Variants in DCAF8L2 observed in about 807,000 individuals in gnomAD.
The protein encoded by DCAF8L2 is DDB1 and CUL4 associated factor 8 like 2.
For synonymous variants in DCAF8L2, 200 were observed against 190.9 expected (o/e 1.05, Z -0.39); for missense variants, 430 against 490.7 (o/e 0.88, Z 1.17).
At chrX:27,622,943 T>G (rs1007389211) in intron 1 of DCAF8L2, among the ~76,000 whole-genome samples, 1 of 111,874 alleles carries the variant, frequency 8.9e-6, no homozygotes, top group Non-Finnish European at 1.9e-5. Flanking sequence ...TAGTCCACCA[T>G]AAAATTTAAT....
At chrX:27,555,476 T>C in the DCAF8L2 span, among the ~76,000 whole-genome samples, 1 of 111,930 alleles carries the variant, frequency 8.9e-6, no homozygotes, top group Non-Finnish European at 1.9e-5. Context: ...AGGCAATGCA[T>C]GGGTCTCATT....
the DCAF8L2 span, among the ~76,000 whole-genome samples, chrX:27,552,142 ATTTG>A: frequency 3.4e-3 from 377 of 110,837 alleles, 3 homozygotes; most frequent in African/African-American, 0.011. Context: ...TGATCAGATT[ATTTG>A]TTTGTTTGTT....
At chrX:27,474,052 C>T in the DCAF8L2 span, among the ~76,000 whole-genome samples, 2 of 110,802 alleles carry the variant, frequency 1.8e-5, no homozygotes, top group Non-Finnish European at 3.8e-5. Context: ...CACCTAAAGC[C>T]TCTGACTATA....
intron 4 of DCAF8L2, among the ~76,000 whole-genome samples, chrX:27,728,005 G>A (rs2147311309): frequency 9.0e-6 from 1 of 111,260 alleles, no homozygotes; most frequent in African/African-American, 3.3e-5. Flanking sequence ...TTCTACCTGG[G>A]TTCTGACCAA....
chrX:27,722,013 T>C (rs187299022), intron 4 of DCAF8L2, among the ~76,000 whole-genome samples: 3 of 111,784 alleles, frequency 2.7e-5, no homozygotes, highest in Admixed American at 1.9e-4. Flanking sequence ...AGCTGAAATA[T>C]ATTAAAATTA....
intron 3 of DCAF8L2, among the ~76,000 whole-genome samples, chrX:27,697,940 G>A (rs10465374): frequency 0.15 from 16,704 of 110,140 alleles, 1,528 homozygotes; most frequent in East Asian, 0.35. Flanking sequence ...ATAAGTATAC[G>A]TGTATATAAG....
chrX:27,638,167 G>A (rs2147181597), intron 2 of DCAF8L2, among the ~76,000 whole-genome samples: 1 of 112,076 alleles, frequency 8.9e-6, no homozygotes, highest in African/African-American at 3.2e-5. Context: ...CACTAGAGAA[G>A]TCTTGTATCT....
chrX:27,545,584 G>A, the DCAF8L2 span, among the ~76,000 whole-genome samples: 3,578 of 111,337 alleles, frequency 0.032, 130 homozygotes, highest in African/African-American at 0.11. Flanking sequence ...TCATCGGAGC[G>A]GATTTCCCCC....
At chrX:27,639,845 T>G (rs942142680) in intron 2 of DCAF8L2, among the ~76,000 whole-genome samples, 14 of 112,215 alleles carry the variant, frequency 1.2e-4, no homozygotes, top group African/African-American at 4.2e-4. Flanking sequence ...ACATATTATT[T>G]TACATCTGGC....
At chrX:27,674,807 G>A (rs1569179003) in intron 2 of DCAF8L2, among the ~76,000 whole-genome samples, 1 of 111,574 alleles carries the variant, frequency 9.0e-6, no homozygotes, top group Non-Finnish European at 1.9e-5. Context: ...TCTACAAATT[G>A]AGATGAAAGG....
chrX:27,568,676 CT>C, the DCAF8L2 span, among the ~76,000 whole-genome samples: 18 of 100,576 alleles, frequency 1.8e-4, no homozygotes, highest in African/African-American at 2.5e-4. Context: ...TTTTCTGACT[CT>C]TTTTTTTTTA....
At chrX:27,699,844 T>C (rs1235076019) in intron 3 of DCAF8L2, among the ~76,000 whole-genome samples, 1 of 110,540 alleles carries the variant, frequency 9.0e-6, no homozygotes, top group East Asian at 2.9e-4. Context: ...CTGGGCAACA[T>C]AGGGATATTC....
the DCAF8L2 span, among the ~76,000 whole-genome samples, chrX:27,497,389 G>T: frequency 9.0e-6 from 1 of 110,903 alleles, no homozygotes; most frequent in African/African-American, 3.3e-5. Context: ...ACATCATTGA[G>T]CAAACAATCT....
At chrX:27,665,945 C>T (rs1929725328) in intron 2 of DCAF8L2, among the ~76,000 whole-genome samples, 1 of 111,694 alleles carries the variant, frequency 9.0e-6, no homozygotes, top group Non-Finnish European at 1.9e-5. Flanking sequence ...ATGTGACTTG[C>T]TTTATTGTGA....
intron 4 of DCAF8L2, among the ~76,000 whole-genome samples, chrX:27,716,997 T>A: frequency 8.9e-6 from 1 of 112,089 alleles, no homozygotes; most frequent in South Asian, 3.7e-4. Context: ...GGTTTTCTGT[T>A]CCTGCATTAG....
chrX:27,734,953 G>A (rs1377591345), intron 4 of DCAF8L2, among the ~76,000 whole-genome samples: 1 of 111,376 alleles, frequency 9.0e-6, no homozygotes, highest in Non-Finnish European at 1.9e-5. Flanking sequence ...ACTAAATTAT[G>A]CAACCAATAG....
the DCAF8L2 span, among the ~76,000 whole-genome samples, chrX:27,478,154 T>C: frequency 8.9e-6 from 1 of 112,065 alleles, no homozygotes; most frequent in Non-Finnish European, 1.9e-5. Context: ...ACTCTATACC[T>C]CCAGGTAAGG....
At chrX:27,583,038 A>G in the DCAF8L2 span, among the ~76,000 whole-genome samples, 1 of 111,571 alleles carries the variant, frequency 9.0e-6, no homozygotes, top group South Asian at 3.8e-4. Context: ...GTCTGTAGCA[A>G]TTATTACTGT....
intron 2 of DCAF8L2, among the ~76,000 whole-genome samples, chrX:27,647,152 A>G (rs1928971059): frequency 8.9e-6 from 1 of 112,103 alleles, no homozygotes; most frequent in Non-Finnish European, 1.9e-5. Flanking sequence ...AACACATGGA[A>G]TCAACCTAAA....
Sources: gnomAD v4.1 joint callset for allele counts (sites outside exome capture counted in the v4.1 genomes callset) on GRCh38, gnomAD v4.1.1 for gene constraint, MANE v1.5 for transcripts, NCBI Gene and HGNC (gene_info 2026-07-23, HGNC 2026-07-21) for gene names.